Variants in TASP1 observed in about 807,000 individuals in gnomAD.
TASP1 encodes threonine aspartase 1.
In TASP1, 16 loss-of-function variants were observed where a neutral mutation model predicts 56.6. The observed-to-expected ratio is 0.28, with a 90% confidence interval of 0.19 to 0.43. The LOEUF is 0.43. TASP1 is among the 20% of genes least tolerant of loss of function. The pLI is 1.00. For synonymous variants in TASP1, 179 were observed against 184.2 expected, an observed-to-expected ratio of 0.97 and a Z score of 0.23; for missense variants, 393 against 511.6, an observed-to-expected ratio of 0.77 and a Z score of 2.24.
chr20:13,140,449 G>A, the TASP1 span, among the ~76,000 whole-genome samples: 1 of 152,170 alleles, frequency 6.6e-6, no homozygotes, highest in African/African-American at 2.4e-5. Flanking sequence ...CCAGGCACGA[G>A]ACTGAATTCT....
At chr20:13,164,852 T>C in the TASP1 span, 2 of 1,613,254 alleles carry the variant, frequency 1.2e-6, no homozygotes, top group Non-Finnish European at 1.7e-6. Flanking sequence ...AGACGAGCTT[T>C]GAACTCGAAG....
Position 13,588,547 on chromosome 20 carries a change from G to A in TASP1, c.283-1177C>T, listed in dbSNP as rs1427398574. Among the ~76,000 whole-genome samples, 4 of 152,040 alleles carry A rather than the reference G, an allele frequency of 2.6e-5. No individual in the cohort carries two copies. The South Asian group carries it at 6.2e-4, about 24-fold the overall frequency. ...TATTAGCGATAAACAATCTAAAAAT[G>A]AAATCAAGAAAATCTCACAATAACA... On this transcript the variant is annotated intron_variant, in intron 4 of 13. Coordinates refer to ENST00000337743, the MANE Select transcript of TASP1 (RefSeq NM_017714.3).
At chr20:13,229,567 C>G in the TASP1 span, among the ~76,000 whole-genome samples, 1 of 152,166 alleles carries the variant, frequency 6.6e-6, no homozygotes, top group Non-Finnish European at 1.5e-5. Context: ...ATATCCCCAT[C>G]AATGGACATT....
chr20:13,521,725 T>C lies in TASP1; in HGVS notation c.874+6708A>G, dbSNP rs190624288. Reference sequence around the variant, plus strand: ...GCAGCACACCAACATGGCACATGTATACATATGTAACTAATCTGCACGTTG... The same window carrying C: ...GCAGCACACCAACATGGCACATGTACACATATGTAACTAATCTGCACGTTG... On this transcript the variant is annotated intron_variant, in intron 10 of 13. Coordinates refer to ENST00000337743, the MANE Select transcript of TASP1 (RefSeq NM_017714.3). Among the ~76,000 whole-genome samples, 504 of 152,182 alleles carry C rather than the reference T, an allele frequency of 3.3e-3. 2 individuals carry two copies. Among genetic ancestry groups the C allele is most frequent in the East Asian group, 0.012 (60 of 5,172 alleles).
chr20:13,444,449 GAC>G (rs1342840966), intron 11 of TASP1, among the ~76,000 whole-genome samples: 1 of 152,028 alleles, frequency 6.6e-6, no homozygotes, highest in Non-Finnish European at 1.5e-5. Flanking sequence ...TAAATATATT[GAC>G]ACACAGACAG....
chr20:13,251,008 T>A, the TASP1 span, among the ~76,000 whole-genome samples: 6 of 152,236 alleles, frequency 3.9e-5, no homozygotes, highest in Non-Finnish European at 2.9e-5. Context: ...CCTGGAAATT[T>A]TATAACTTAT....
At chr20:13,559,273 G>A (rs912500603) in intron 7 of TASP1, among the ~76,000 whole-genome samples, 159 bp from the exon 8 acceptor site, 1 of 152,096 alleles carries the variant, frequency 6.6e-6, no homozygotes, top group African/African-American at 2.4e-5. Flanking sequence ...GATAGTAGGA[G>A]AATAAGAGAA....
chr20:13,316,829 T>C, the TASP1 span, among the ~76,000 whole-genome samples: 8 of 151,830 alleles, frequency 5.3e-5, no homozygotes, highest in African/African-American at 1.9e-4. Flanking sequence ...CGATAGTTAA[T>C]ACTTAGCGGT....
intron 11 of TASP1, among the ~76,000 whole-genome samples, chr20:13,435,814 G>A (rs1023435437): frequency 3.3e-5 from 5 of 152,092 alleles, no homozygotes; most frequent in South Asian, 2.1e-4. Flanking sequence ...AAGTGAGCAC[G>A]TGGAAAATAA....
At chr20:13,573,361 C>T (rs546287643) in intron 6 of TASP1, among the ~76,000 whole-genome samples, 90 of 152,234 alleles carry the variant, frequency 5.9e-4, no homozygotes, top group Non-Finnish European at 1.0e-3. Flanking sequence ...CTCTTGAATG[C>T]CCCCTTTAAT....
the TASP1 span, among the ~76,000 whole-genome samples, chr20:13,257,874 A>C: frequency 6.6e-6 from 1 of 152,132 alleles, no homozygotes; most frequent in Admixed American, 6.5e-5. Flanking sequence ...CAGGGAATTC[A>C]AAGTGGCTGC....
intron 11 of TASP1, among the ~76,000 whole-genome samples, chr20:13,442,172 C>T (rs2043237280): frequency 6.6e-6 from 1 of 152,048 alleles, no homozygotes; most frequent in African/African-American, 2.4e-5. Flanking sequence ...ACTCCAGTGC[C>T]TTTTATACAG....
the TASP1 span, among the ~76,000 whole-genome samples, chr20:13,266,294 T>C: frequency 3.9e-5 from 6 of 152,346 alleles, no homozygotes; most frequent in Non-Finnish European, 8.8e-5. Context: ...AAGAAGAGGA[T>C]ATTTTTATTA....
At chr20:13,247,515 G>A in the TASP1 span, among the ~76,000 whole-genome samples, 2 of 105,642 alleles carry the variant, frequency 1.9e-5, no homozygotes, top group Non-Finnish European at 2.0e-5. Context: ...AGCAAAGTGA[G>A]GGGTGTGTGT....
At chr20:13,146,414 C>T in the TASP1 span, among the ~76,000 whole-genome samples, 1 of 152,078 alleles carries the variant, frequency 6.6e-6, no homozygotes, top group South Asian at 2.1e-4. Flanking sequence ...ACATGTACCC[C>T]GAAACCTAAA....
intron 10 of TASP1, among the ~76,000 whole-genome samples, chr20:13,484,633 G>A (rs1190427797): frequency 6.6e-6 from 1 of 151,564 alleles, no homozygotes; most frequent in Non-Finnish European, 1.5e-5. Context: ...CTACTTGGGA[G>A]GGAGAGGCAA....
chr20:13,541,408 T>G (rs1388538132), intron 8 of TASP1, among the ~76,000 whole-genome samples: 2 of 151,998 alleles, frequency 1.3e-5, no homozygotes, highest in African/African-American at 4.8e-5. Flanking sequence ...ATCCAATGAG[T>G]TCACTGCCAG....
chr20:13,357,899 A>G, the TASP1 span, among the ~76,000 whole-genome samples: 1 of 152,228 alleles, frequency 6.6e-6, no homozygotes, highest in Non-Finnish European at 1.5e-5. Flanking sequence ...TCTGAGCCCA[A>G]GCCAAGCCAT....
At chr20:13,221,552 TGCGGCGGCG>T in the TASP1 span, among the ~76,000 whole-genome samples, 14 of 141,586 alleles carry the variant, frequency 9.9e-5, no homozygotes, top group East Asian at 2.2e-4. Flanking sequence ...TCCGCCGTGG[TGCGGCGGCG>T]GCGGCGGCGG....
Sources: gnomAD v4.1 joint callset for allele counts (sites outside exome capture counted in the v4.1 genomes callset) on GRCh38, gnomAD v4.1.1 for gene constraint, MANE v1.5 for transcripts, NCBI Gene and HGNC (gene_info 2026-07-23, HGNC 2026-07-21) for gene names.